Variants in KIRREL3 observed in about 807,000 individuals in gnomAD.
The protein encoded by KIRREL3 is kin of IRRE-like protein 3.
In KIRREL3, 36 loss-of-function variants were observed where a neutral mutation model predicts 89.7. The ratio of observed to expected loss-of-function variants is 0.40; its 90% CI spans 0.31 to 0.53. KIRREL3 has a LOEUF of 0.53. Among genes scored for constraint, KIRREL3 ranks in the 20% least tolerant of loss-of-function variants. The pLI, the probability that KIRREL3 is intolerant of heterozygous loss-of-function variation, is 0.49. For synonymous variants in KIRREL3, 445 were observed against 441.4 expected (o/e 1.01, Z -0.10); for missense variants, 864 against 1,056.6 (o/e 0.82, Z 2.53).
chr11:126,476,666 G>A lies in KIRREL3; in HGVS notation c.434-3200C>T. Among the ~76,000 whole-genome samples, 1 of 54,920 alleles carries A rather than the reference G, an allele frequency of 1.8e-5. No homozygotes were observed. Among genetic ancestry groups the A allele is most frequent in the Non-Finnish European group, 3.6e-5 (1 of 27,632 alleles). 36.0% of individuals were successfully genotyped at this position (54,920 alleles called of 152,430 possible). The stretch of plus-strand genomic sequence containing the variant: ...GCACACCAGATGGGGGTGGGGGCTG[G>A]GGGGGGGTGGGGGTTGGTGAGGATG... On this transcript the variant is annotated intron_variant, in intron 4 of 16. Coordinates refer to ENST00000525144, the MANE Select transcript of KIRREL3 (RefSeq NM_032531.4). This position sits in a 1 kb window ranked among gnomAD's most constrained non-coding sequence, Gnocchi z 6.4.
rs552483976 is a variant in KIRREL3, at chr11:126,707,281, T to C, written c.56-144369A>G. ...TTTTTTTTTGGCTTTTGACTGTACA[T>C]ACATCACACATATATACATCTGACA... On this transcript the variant is annotated intron_variant, in intron 1 of 16. Transcript: ENST00000525144. Among the ~76,000 whole-genome samples, 9 of 144,402 alleles carry C rather than the reference T, an allele frequency of 6.2e-5. No individual in the cohort carries two copies. In the South Asian group the frequency reaches 1.9e-3, roughly 30 times the overall value. The allele number at this position is 144,402 out of a possible 152,430, so 94.7% of individuals were successfully genotyped here.
intron 1 of KIRREL3, among the ~76,000 whole-genome samples, chr11:126,589,196 C>G (rs917842091): frequency 1.3e-5 from 2 of 152,230 alleles, no homozygotes; most frequent in Non-Finnish European, 2.9e-5. Context: ...CTGTTCATCA[C>G]GAGAACAGGG....
chr11:126,923,138 T>TTCC (rs1947444145), intron 1 of KIRREL3, among the ~76,000 whole-genome samples: 1 of 12,398 alleles, frequency 8.1e-5, no homozygotes, highest in Admixed American at 9.4e-4. Context: ...TCTCTTCTTC[T>TTCC]TCTTCTTCTT....
intron 1 of KIRREL3, among the ~76,000 whole-genome samples, chr11:126,679,878 T>C (rs1180345846): frequency 6.6e-6 from 1 of 152,054 alleles, no homozygotes; most frequent in Admixed American, 6.6e-5. Context: ...AGGGAAAAGG[T>C]CCCAGAGAGA....
chr11:126,980,997 T>A (rs2135246402), intron 1 of KIRREL3, among the ~76,000 whole-genome samples: 1 of 152,344 alleles, frequency 6.6e-6, no homozygotes, highest in Middle Eastern at 3.4e-3. Flanking sequence ...ATTTTCATCC[T>A]CAGTACTTAG....
At chr11:126,865,800 AT>A (rs555497390) in intron 1 of KIRREL3, among the ~76,000 whole-genome samples, 19 of 152,064 alleles carry the variant, frequency 1.2e-4, no homozygotes, top group South Asian at 6.2e-4. Flanking sequence ...CTTCAGCAGA[AT>A]TTTTTTTTAA....
intron 1 of KIRREL3, among the ~76,000 whole-genome samples, chr11:126,957,916 T>C (rs890440654): frequency 6.6e-6 from 1 of 152,232 alleles, no homozygotes; most frequent in Non-Finnish European, 1.5e-5. Context: ...GTGCCATCTA[T>C]CTCAAGGGCT....
chr11:126,449,433 G>A (rs967972962), intron 7 of KIRREL3, among the ~76,000 whole-genome samples: 1 of 152,226 alleles, frequency 6.6e-6, no homozygotes, highest in Non-Finnish European at 1.5e-5. Context: ...TTCTGGAGGG[G>A]GTGAGTTGAT....
In KIRREL3 at chr11:126,811,497, T is replaced by C. The variant is rs1951386073; in HGVS notation, c.55+188958A>G. On this transcript the variant is annotated intron_variant, in intron 1 of 16. Coordinates refer to ENST00000525144, the MANE Select transcript of KIRREL3 (RefSeq NM_032531.4). The surrounding 1 kb of genome is among the most constrained non-coding windows in gnomAD (Gnocchi z 4.3). ...ACAAACTGGACAGATACATGAGTAA[T>C]GAATAGGAACCTGTGCATTGGACGG... 6.6e-6 allele frequency among the ~76,000 whole-genome samples: 1 copy of C among 152,228 alleles called. No individual in the cohort carries two copies. Among genetic ancestry groups the C allele is most frequent in the African/African-American group, 2.4e-5 (1 of 41,462 alleles).
At chr11:126,667,498 G>A (rs899160922) in intron 1 of KIRREL3, among the ~76,000 whole-genome samples, 5 of 152,226 alleles carry the variant, frequency 3.3e-5, no homozygotes, top group Admixed American at 6.5e-5. Context: ...CTCCCAATGC[G>A]AGGTGAAGGG....
chr11:126,514,109 G>A (rs965793877), intron 4 of KIRREL3, among the ~76,000 whole-genome samples: 1 of 152,128 alleles, frequency 6.6e-6, no homozygotes, highest in African/African-American at 2.4e-5. Context: ...CTGGGAGCGA[G>A]CTGGTGGCAG....
intron 1 of KIRREL3, among the ~76,000 whole-genome samples, chr11:126,572,226 CT>C (rs1323415784): frequency 3.3e-5 from 5 of 152,240 alleles, no homozygotes; most frequent in African/African-American, 9.6e-5. Context: ...AAGTCCCAGC[CT>C]GCCTCCAAGT....
chr11:126,567,506 G>T (rs1940600742), intron 1 of KIRREL3, among the ~76,000 whole-genome samples: 1 of 152,220 alleles, frequency 6.6e-6, no homozygotes, highest in Non-Finnish European at 1.5e-5. Flanking sequence ...AATGAATATA[G>T]ACAGGACAGG....
chr11:126,487,635 A>G (rs78894024), intron 4 of KIRREL3, among the ~76,000 whole-genome samples: 3,444 of 152,332 alleles, frequency 0.023, 136 homozygotes, highest in African/African-American at 0.074. Context: ...CTACATTTGA[A>G]AAAGGGCAAT....
intron 1 of KIRREL3, chr11:126,936,966 G>A (rs965038781): frequency 6.6e-6 from 1 of 152,124 alleles, no homozygotes; most frequent in African/African-American, 2.4e-5. Context: ...ATGTCAGGAG[G>A]GTACACGAAT....
intron 1 of KIRREL3, among the ~76,000 whole-genome samples, chr11:126,592,912 G>T (rs959925190): frequency 1.1e-4 from 17 of 152,156 alleles, no homozygotes; most frequent in African/African-American, 4.1e-4. Context: ...GGAGCAGAGG[G>T]CTGGGCGTGG....
At chr11:126,638,838 A>T (rs1407127851) in intron 1 of KIRREL3, among the ~76,000 whole-genome samples, 1 of 152,076 alleles carries the variant, frequency 6.6e-6, no homozygotes, top group Non-Finnish European at 1.5e-5. Context: ...CCGGCTAATG[A>T]CCCAGGCATC....
At position 126,969,392 on chromosome 11, in the gene KIRREL3, A is replaced by G. The variant is rs933038929; in HGVS notation, c.55+31063T>C. The stretch of plus-strand genomic sequence containing the variant: ...GTGTGGCAGGTGTGAAGGTGGAGGT[A>G]AGTTTGGGGTGCTATGGGAACTCAG... On this transcript the variant is annotated intron_variant, in intron 1 of 16. Transcript: ENST00000525144. The surrounding 1 kb of genome is among the most constrained non-coding windows in gnomAD (Gnocchi z 4.9). 6.6e-6 allele frequency among the ~76,000 whole-genome samples: 1 copy of G among 152,052 alleles called. No individual in the cohort carries two copies. The highest frequency in any genetic ancestry group is 1.5e-5 in the Non-Finnish European group (1 of 68,020).
intron 1 of KIRREL3, among the ~76,000 whole-genome samples, chr11:126,884,703 T>G (rs1312190526): frequency 1.3e-5 from 2 of 151,962 alleles, no homozygotes. Context: ...ATGACAGGTT[T>G]TGAGGCATCT....
Sources: allele counts gnomAD v4.1 joint callset (sites outside exome capture counted in the v4.1 genomes callset), GRCh38; gene constraint gnomAD v4.1.1; non-coding constraint Gnocchi (gnomAD v3.1); transcripts MANE v1.5; gene names NCBI Gene and HGNC (gene_info 2026-07-23, HGNC 2026-07-21).